LRP1B: variants seen among roughly 807,000 people sequenced by gnomAD.
The protein encoded by LRP1B is low-density lipoprotein receptor-related protein 1B.
In LRP1B, 217 loss-of-function variants were observed where a neutral mutation model predicts 556.6. That is an observed-to-expected ratio of 0.39 (90% confidence interval 0.35 to 0.44). The LOEUF (loss-of-function observed/expected upper bound fraction) is 0.44. Ranked by LOEUF, LRP1B falls within the 20% of genes least tolerant of loss-of-function variation. LRP1B has a pLI of 1.00. For synonymous variants in LRP1B, 2,047 were observed against 1,865.8 expected, an observed-to-expected ratio of 1.10 and a Z score of -2.50; for missense variants, 5,053 against 5,620.8, an observed-to-expected ratio of 0.90 and a Z score of 3.23.
In LRP1B at chr2:140,445,120, C is replaced by CT. The variant is rs903065917; in HGVS notation, c.10058-442dup. Among the ~76,000 whole-genome samples the CT allele has an allele frequency of 4.6e-5, 7 of 151,704 alleles. No homozygotes were observed. The East Asian group carries it at 7.8e-4, about 17-fold the overall frequency. ...TCCACAATACATATTCTCTCTCTCT[C>CT]TTTTTTTTCTTTTGAGACAGAGTCT... On this transcript the variant is annotated intron_variant, in intron 63 of 90. Transcript: ENST00000389484.
intron 3 of LRP1B, among the ~76,000 whole-genome samples, chr2:141,282,520 T>C (rs1188562115): frequency 6.6e-6 from 1 of 151,556 alleles, no homozygotes; most frequent in East Asian, 1.9e-4. Context: ...TATGTATATC[T>C]ATATAGGTTC....
At chr2:141,550,788 A>C (rs867780782) in intron 2 of LRP1B, among the ~76,000 whole-genome samples, 47 of 152,172 alleles carry the variant, frequency 3.1e-4, no homozygotes, top group African/African-American at 1.1e-3. Context: ...ACCTTCCCCA[A>C]TGTTTTCCTG....
intron 2 of LRP1B, among the ~76,000 whole-genome samples, chr2:141,775,509 T>C (rs1695034676): frequency 6.6e-6 from 1 of 152,218 alleles, no homozygotes; most frequent in Non-Finnish European, 1.5e-5. Flanking sequence ...GTCATGATTA[T>C]ATCTTTGTAA....
chr2:141,037,988 G>C (rs1698584813), intron 11 of LRP1B, among the ~76,000 whole-genome samples: 1 of 151,754 alleles, frequency 6.6e-6, no homozygotes, highest in Non-Finnish European at 1.5e-5. Context: ...AAGTATAATG[G>C]GACTAGTTCA....
chr2:140,742,856 A>T (rs1272409041), intron 35 of LRP1B, among the ~76,000 whole-genome samples: 4 of 152,174 alleles, frequency 2.6e-5, no homozygotes, highest in African/African-American at 9.6e-5. Flanking sequence ...TAAGATAGCT[A>T]CCCACTAATA....
At chr2:141,137,913 C>G (rs1166647332) in intron 7 of LRP1B, among the ~76,000 whole-genome samples, 1 of 151,144 alleles carries the variant, frequency 6.6e-6, no homozygotes, top group Non-Finnish European at 1.5e-5. Flanking sequence ...GGTGTAGTAC[C>G]AAGGAAAGTA....
intron 60 of LRP1B, among the ~76,000 whole-genome samples, chr2:140,461,254 T>C (rs1687306360): frequency 6.6e-6 from 1 of 152,082 alleles, no homozygotes; most frequent in African/African-American, 2.4e-5. Flanking sequence ...TCTAAATTTG[T>C]TTTTCTGACT....
At chr2:141,515,559 T>C (rs1170734539) in intron 2 of LRP1B, among the ~76,000 whole-genome samples, 1 of 24,082 alleles carries the variant, frequency 4.2e-5, no homozygotes, top group Non-Finnish European at 1.0e-4. Flanking sequence ...CAAATATTTA[T>C]TTGCCAATAA....
At chr2:141,251,308 GA>G in intron 4 of LRP1B, among the ~76,000 whole-genome samples, 4 of 152,232 alleles carry the variant, frequency 2.6e-5, no homozygotes, top group Middle Eastern at 6.8e-3. Flanking sequence ...AGTTCTTTAT[GA>G]AAATTATAGG....
intron 27 of LRP1B, among the ~76,000 whole-genome samples, chr2:140,867,280 C>T (rs1012013385): frequency 6.6e-6 from 1 of 151,932 alleles, no homozygotes; most frequent in Non-Finnish European, 1.5e-5. Context: ...TTCTCATGTA[C>T]CACCCCCTCT....
chr2:141,802,292 C>A (rs1330912384), intron 2 of LRP1B, among the ~76,000 whole-genome samples: 1 of 151,984 alleles, frequency 6.6e-6, no homozygotes, highest in Non-Finnish European at 1.5e-5. Context: ...TCTTTCCCTC[C>A]CAAGGTATCT....
chr2:140,384,279 A>G (rs1683664774), intron 67 of LRP1B, among the ~76,000 whole-genome samples: 1 of 152,172 alleles, frequency 6.6e-6, no homozygotes, highest in Non-Finnish European at 1.5e-5. Context: ...AGCTAAGTAG[A>G]TATTTGTGCA....
At chr2:140,671,264 T>C (rs1248431417) in intron 41 of LRP1B, among the ~76,000 whole-genome samples, 1 of 152,164 alleles carries the variant, frequency 6.6e-6, no homozygotes, top group Non-Finnish European at 1.5e-5. Context: ...CTCACGCCTG[T>C]AATCCCAGCA....
At chr2:141,427,601 T>G (rs982116674) in intron 3 of LRP1B, among the ~76,000 whole-genome samples, 7 of 152,212 alleles carry the variant, frequency 4.6e-5, no homozygotes, top group African/African-American at 1.7e-4. Flanking sequence ...TATAATTGTT[T>G]CATATATATG....
chr2:141,790,096 T>C (rs190794614), intron 2 of LRP1B, among the ~76,000 whole-genome samples: 2 of 152,056 alleles, frequency 1.3e-5, no homozygotes, highest in African/African-American at 4.8e-5. Context: ...CAGGTGTTAA[T>C]GCCTTGGACA....
intron 1 of LRP1B, among the ~76,000 whole-genome samples, chr2:142,112,092 T>C (rs1707008975): frequency 6.6e-6 from 1 of 152,072 alleles, no homozygotes; most frequent in Non-Finnish European, 1.5e-5. Context: ...CTAGTACATG[T>C]ACCGATAACT....
intron 37 of LRP1B, among the ~76,000 whole-genome samples, chr2:140,707,343 A>G (rs1397622031): frequency 6.6e-6 from 1 of 152,136 alleles, no homozygotes; most frequent in Non-Finnish European, 1.5e-5. Flanking sequence ...CGAGAATGTC[A>G]TTGTGTCGTC....
At chr2:141,588,091 C>T (rs1378872896) in intron 2 of LRP1B, among the ~76,000 whole-genome samples, 2 of 144,924 alleles carry the variant, frequency 1.4e-5, no homozygotes, top group Non-Finnish European at 2.9e-5. Context: ...TGCTAACTCT[C>T]TTTTTCTTAA....
rs1682856338 is a variant in LRP1B at position 141,217,377 on chromosome 2, A to G, written c.850+11806T>C. Among the ~76,000 whole-genome samples, 5 of 152,214 alleles carry G rather than the reference A, an allele frequency of 3.3e-5. No homozygotes were observed. In the South Asian group the frequency reaches 1.0e-3, roughly 32 times the overall value. ...TGATGGTAATGAAGTAAATATGTAG[A>G]TTGCCTAATGCACAATATAAACATT... On this transcript the variant is annotated intron_variant, in intron 6 of 90. Coordinates refer to ENST00000389484, the MANE Select transcript of LRP1B (RefSeq NM_018557.3).
Sources: allele counts gnomAD v4.1 joint callset (sites outside exome capture counted in the v4.1 genomes callset), GRCh38; gene constraint gnomAD v4.1.1; transcripts MANE v1.5; gene names NCBI Gene and HGNC (gene_info 2026-07-23, HGNC 2026-07-21).